Variants in PCDHAC2 observed in about 807,000 individuals in gnomAD.
The protein encoded by PCDHAC2 is protocadherin alpha subfamily C, 2.
A neutral mutation model predicts 63.3 loss-of-function variants in PCDHAC2; 24 were observed. The observed-to-expected ratio is 0.38, with a 90% CI of 0.27 to 0.53. PCDHAC2 has a LOEUF of 0.53. Among genes scored for constraint, PCDHAC2 ranks in the 20% least tolerant of loss-of-function variants. The probability of loss-of-function intolerance (pLI) is 0.81; values close to 1 mark genes in which losing one functional copy is unlikely to be tolerated. For missense variants in PCDHAC2, 1,181 were observed against 1,275.2 expected (o/e 0.93, Z 1.12); for synonymous variants, 569 against 529.4 (o/e 1.07, Z -1.03).
Position 140,966,755 on chromosome 5 carries a change from C to A in PCDHAC2, c.-12C>A. On this transcript the variant is annotated 5_prime_UTR_variant, in exon 1 of 4. Transcript: ENST00000289269. ...CGGCCCTGCCCGGCTGCCTCCGCCG[C>A]GGCCAGTGGCTATGGAGCAGGCGGG... is the stretch of plus-strand genomic sequence containing the variant. The A allele has an allele frequency of 7.0e-7, 1 of 1,434,520 alleles. No homozygotes were observed. Among genetic ancestry groups the A allele is most frequent in the South Asian group, 1.5e-5 (1 of 67,126 alleles). 88.9% of individuals were successfully genotyped at this position (1,434,520 alleles called of 1,614,324 possible). A position where few individuals can be genotyped will look rare whatever the true frequency, so the allele number is the denominator to read the frequency against.
At chr5:140,975,160 T>G (rs2096656216) in intron 1 of PCDHAC2, among the ~76,000 whole-genome samples, 1 of 152,194 alleles carries the variant, frequency 6.6e-6, no homozygotes, top group African/African-American at 2.4e-5. Flanking sequence ...CCTAGAGAAC[T>G]GAGGACTCAG....
Position 140,967,823 on chromosome 5 carries a change from G to A in PCDHAC2, c.1057G>A (p.Val353Met). The part of the protein sequence containing the change: ...VPMAGHCKVL[V>M]DIVDVNDNAP... Reference sequence around the variant, plus strand: ...CATGGCAGGTCACTGCAAGGTGCTGGTGGACATCGTGGACGTGAATGACAA... The same window carrying A: ...CATGGCAGGTCACTGCAAGGTGCTGATGGACATCGTGGACGTGAATGACAA... The change falls in exon 1 of 4, where the codon GTG becomes ATG. Residue 353 changes from valine (V) to methionine (M), a missense_variant. By Grantham distance (21) the Val-to-Met change is conservative (BLOSUM62 1). Transcript: ENST00000289269. The A allele has an allele frequency of 1.2e-6, 2 of 1,614,162 alleles. No individual in the cohort carries two copies. Among genetic ancestry groups the A allele is most frequent in the Non-Finnish European group, 8.5e-7 (1 of 1,180,046 alleles).
intron 3 of PCDHAC2, among the ~76,000 whole-genome samples, chr5:140,983,182 C>T (rs782457174): frequency 6.6e-6 from 1 of 152,188 alleles, no homozygotes; most frequent in Non-Finnish European, 1.5e-5. Flanking sequence ...CTCACAATTT[C>T]TTAGTTTAGA....
intron 3 of PCDHAC2, among the ~76,000 whole-genome samples, chr5:140,998,010 C>A (rs2097793505): frequency 6.6e-6 from 1 of 152,096 alleles, no homozygotes; most frequent in Admixed American, 6.6e-5. Flanking sequence ...GCCTTCCATC[C>A]CCACCTCGAG....
At chr5:140,974,379 T>G (rs2096625482) in intron 1 of PCDHAC2, among the ~76,000 whole-genome samples, 1 of 152,250 alleles carries the variant, frequency 6.6e-6, no homozygotes, top group South Asian at 2.1e-4. Flanking sequence ...TCTGTTGTAC[T>G]GGAACCCATT....
chr5:141,008,718 T>C (rs2098388409), intron 3 of PCDHAC2, among the ~76,000 whole-genome samples: 1 of 152,230 alleles, frequency 6.6e-6, no homozygotes, highest in Non-Finnish European at 1.5e-5. Context: ...TGCTTGAGTG[T>C]ATGTCCAACT....
chr5:141,007,395 CAAAAAAAAAAAAAAAA>C (rs35800918), intron 3 of PCDHAC2, among the ~76,000 whole-genome samples: 1 of 94,866 alleles, frequency 1.1e-5, no homozygotes. Context: ...TACTAAAATA[CAAAAAAAAAAAAAAAA>C]AAAAAAATTA....
intron 3 of PCDHAC2, among the ~76,000 whole-genome samples, chr5:141,006,862 A>G (rs1188678069): frequency 4.6e-5 from 7 of 152,244 alleles, no homozygotes; most frequent in Non-Finnish European, 1.0e-4. Flanking sequence ...TTAGAAAGGA[A>G]TAGATTCGAG....
In PCDHAC2 at chr5:141,008,942, A is replaced by G. The variant is rs544111760; in HGVS notation, c.2714-685A>G. Among the ~76,000 whole-genome samples the G allele has an allele frequency of 1.5e-4, 23 of 152,326 alleles. No homozygotes were observed. In the South Asian group the frequency reaches 4.8e-3, roughly 32 times the overall value. On this transcript the variant is annotated intron_variant, in intron 3 of 3. Transcript: ENST00000289269. ...ATTCAGCTAATTTTTCTTGTTTTGG[A>G]CAAAATAGACATCCTAATACATTTA...
At chr5:140,983,822 T>C (rs1453990514) in intron 3 of PCDHAC2, among the ~76,000 whole-genome samples, 2 of 152,216 alleles carry the variant, frequency 1.3e-5, no homozygotes, top group Non-Finnish European at 2.9e-5. Flanking sequence ...TTCCCAAAAA[T>C]AATCAGATGC....
At chr5:140,988,226 G>C (rs1375369387) in intron 3 of PCDHAC2, among the ~76,000 whole-genome samples, 2 of 152,154 alleles carry the variant, frequency 1.3e-5, no homozygotes, top group Non-Finnish European at 2.9e-5. Context: ...TGAGATCAGG[G>C]ATCTATGTGA....
chr5:141,000,371 CT>C (rs2153963893), intron 3 of PCDHAC2, among the ~76,000 whole-genome samples: 1 of 49,262 alleles, frequency 2.0e-5, no homozygotes, highest in East Asian at 6.6e-4. Context: ...GTCTCTCTCT[CT>C]CTCTCTCTCT....
chr5:140,998,547 A>C (rs1173862918), intron 3 of PCDHAC2, among the ~76,000 whole-genome samples: 4 of 150,288 alleles, frequency 2.7e-5, no homozygotes, highest in African/African-American at 9.8e-5. Flanking sequence ...TCCTAATTTA[A>C]TGTCTAATTT....
At chr5:140,988,959 C>G (rs1308701267) in intron 3 of PCDHAC2, 3 of 152,056 alleles carry the variant, frequency 2.0e-5, no homozygotes, top group Non-Finnish European at 4.4e-5. Context: ...CCTTCAAGCC[C>G]CACGATGGAG....
chr5:140,999,628 G>C (rs1169273057), intron 3 of PCDHAC2, among the ~76,000 whole-genome samples: 2 of 152,182 alleles, frequency 1.3e-5, no homozygotes, highest in Admixed American at 1.3e-4. Context: ...AGGAAACAAG[G>C]TAGAGAAAAC....
Position 140,966,926 on chromosome 5 carries a change from C to T in PCDHAC2, c.160C>T (p.Pro54Ser), listed in dbSNP as rs782811757. The part of the protein sequence containing the change: ...LRYSVPEEQA[P>S]GALVGNVARA... ...ATACTCTGTGCCAGAGGAGCAGGCA[C>T]CCGGCGCGCTCGTGGGCAACGTGGC... is the stretch of plus-strand genomic sequence containing the variant. The change falls in exon 1 of 4, where the codon CCC becomes TCC. Residue 54 changes from proline to serine, a missense_variant. Pro to Ser is a moderately conservative substitution (Grantham distance 74). Coordinates refer to ENST00000289269, the MANE Select transcript of PCDHAC2 (RefSeq NM_018899.6). 22 of 1,603,344 alleles carry T rather than the reference C, an allele frequency of 1.4e-5. No individual in the cohort carries two copies. The highest frequency in any genetic ancestry group is 1.6e-4 in the Middle Eastern group (1 of 6,064).
At chr5:140,981,169 C>T (rs2096920797) in intron 2 of PCDHAC2, among the ~76,000 whole-genome samples, 1 of 152,170 alleles carries the variant, frequency 6.6e-6, no homozygotes, top group Admixed American at 6.5e-5. Context: ...GTTGCCTTCC[C>T]TCTAATAGTT....
At chr5:141,004,013 G>C (rs1327248207) in intron 3 of PCDHAC2, among the ~76,000 whole-genome samples, 4 of 152,124 alleles carry the variant, frequency 2.6e-5, no homozygotes, top group African/African-American at 9.7e-5. Context: ...AGGCAGCACT[G>C]AAAGAAGAAA....
intron 3 of PCDHAC2, 123 bp from the exon 4 acceptor site, chr5:141,009,504 A>G: frequency 1.3e-6 from 2 of 1,497,074 alleles, no homozygotes; most frequent in Non-Finnish European, 1.8e-6. Flanking sequence ...ACTTGAACAA[A>G]CAACTCGTGA....
Sources: gnomAD v4.1 joint callset for allele counts (sites outside exome capture counted in the v4.1 genomes callset) on GRCh38, gnomAD v4.1.1 for gene constraint, MANE v1.5 for transcripts, NCBI Gene and HGNC (gene_info 2026-07-23, HGNC 2026-07-21) for gene names.